The following PNPLA5 variants were observed in gnomAD, a reference collection of about 807,000 sequenced individuals.
PNPLA5 encodes patatin-like phospholipase domain-containing protein 5.
In PNPLA5, 44 loss-of-function variants were observed where a neutral mutation model predicts 49.1. That is an observed-to-expected ratio of 0.90 (90% CI 0.70 to 1.15). The LOEUF (loss-of-function observed/expected upper bound fraction) is 1.15. Ranked by LOEUF, PNPLA5 falls within the 50% of genes most tolerant of loss-of-function variation. PNPLA5 has a pLI of 0.00. For missense variants in PNPLA5, 603 were observed against 564.0 expected (o/e 1.07, Z -0.70); for synonymous variants, 243 against 244.4 (o/e 0.99, Z 0.06).
Position 43,889,526 on chromosome 22 carries a change from C to T in PNPLA5, c.505G>A (p.Gly169Arg). 6.2e-7 allele frequency: 1 copy of T among 1,609,994 alleles called. No homozygotes were observed. The highest frequency in any genetic ancestry group is 8.5e-7 in the Non-Finnish European group (1 of 1,177,422). ...AAGGGCAAGTTGTTGCTCAGAGCCC[C>T]ATCGATGTAGCGCTGCAATTTGTGG... ...PEFRGERYIDGALSNNLPFAD... is the reference protein window; with the variant it reads ...PEFRGERYIDRALSNNLPFAD... The change falls in exon 4 of 9, where the codon GGG becomes AGG. Residue 169 changes from glycine (G) to arginine (R), a missense_variant. Physicochemically the swap from Gly to Arg is moderately radical, Grantham distance 125 (BLOSUM62 -2). Coordinates refer to ENST00000216177, the MANE Select transcript of PNPLA5 (RefSeq NM_138814.4).
At chr22:43,881,364 C>T (rs1347289150) in intron 8 of PNPLA5, among the ~76,000 whole-genome samples, 194 bp downstream of exon 8, 2 of 152,182 alleles carry the variant, frequency 1.3e-5, no homozygotes, top group African/African-American at 2.4e-5. Context: ...TGTCATAGAG[C>T]GTCTAGCACA....
rs35343347 is a variant in PNPLA5 at position 43,888,371 on chromosome 22, AGTGTGT to A, written c.703-726_703-721del. Among the ~76,000 whole-genome samples the A allele has an allele frequency of 3.6e-3, 407 of 112,974 alleles. 1 individual carries two copies. Among genetic ancestry groups the A allele is most frequent in the East Asian group, 0.031 (134 of 4,368 alleles). The allele number at this position is 112,974 out of a possible 152,430, so 74.1% of individuals were successfully genotyped here. ...AGCCAGGATGTGGATGGGGCAGAGG[AGTGTGT>A]GTGTGTGTGTGTGTGTGTGTGTGTG... On this transcript the variant is annotated intron_variant, in intron 4 of 8. Coordinates refer to ENST00000216177, the MANE Select transcript of PNPLA5 (RefSeq NM_138814.4).
At chr22:43,881,721 G>C in intron 7 of PNPLA5, 47 bp from the exon 8 acceptor site, 1 of 1,595,268 alleles carries the variant, frequency 6.3e-7, no homozygotes, top group East Asian at 2.3e-5. Context: ...CCTGGGGTGT[G>C]GCCCCACCAA....
chr22:43,889,741 C>T (rs563980914), intron 3 of PNPLA5, 58 bp downstream of exon 3: 60 of 1,579,120 alleles, frequency 3.8e-5, no homozygotes, highest in Non-Finnish European at 5.1e-5. Context: ...AAGCACCTCT[C>T]CACGGTGTGC....
In PNPLA5 at chr22:43,881,566, C is replaced by T. The variant is rs758642916; in HGVS notation, c.1191G>A (p.Gly397=). 4.4e-6 allele frequency: 7 copies of T among 1,592,870 alleles called. No homozygotes were observed. The South Asian group carries it at 6.8e-5, about 16-fold the overall frequency. ...VFSRTKAQLL[G]PISPPATRVL... ...CCCTCTGCCCACCTCACCTGATGGG[C>T]CCAAGGAGCTGGGCCTTGGTCCTGG... Residue 397 remains glycine, a synonymous_variant, in exon 8 of 9, where the codon GGG becomes GGA. Transcript: ENST00000216177.
Position 43,889,310 on chromosome 22 carries a change from A to G in PNPLA5, c.702+19T>C, listed in dbSNP as rs2148330079. On this transcript the variant is annotated intron_variant, in intron 4 of 8. Coordinates refer to ENST00000216177, the MANE Select transcript of PNPLA5 (RefSeq NM_138814.4). Reference sequence around the variant, plus strand: ...TGACCTTGGCCAAGCCTCTAACACCATCACAGGGCCAGACCTACCTCGAGG... The same window carrying G: ...TGACCTTGGCCAAGCCTCTAACACCGTCACAGGGCCAGACCTACCTCGAGG... The G allele has an allele frequency of 6.2e-7, 1 of 1,612,810 alleles. No homozygotes were observed. Among genetic ancestry groups the G allele is most frequent in the Non-Finnish European group, 8.5e-7 (1 of 1,179,866 alleles).
chr22:43,884,547 C>A, intron 6 of PNPLA5: 1 of 314,964 alleles, frequency 3.2e-6, no homozygotes, highest in Non-Finnish European at 4.6e-6. Context: ...TATGCCCTCT[C>A]GTAGATGAGG....
chr22:43,890,842 G>C (rs528346419), intron 2 of PNPLA5, among the ~76,000 whole-genome samples: 3 of 152,322 alleles, frequency 2.0e-5, no homozygotes, highest in Non-Finnish European at 4.4e-5. Flanking sequence ...TGACTCTGCC[G>C]GGCCCCAGCC....
Position 43,880,779 on chromosome 22 carries a change from G to A in PNPLA5, c.*16C>T, listed in dbSNP as rs1377037714. 5.3e-6 allele frequency: 7 copies of A among 1,321,140 alleles called. No homozygotes were observed. Among genetic ancestry groups the A allele is most frequent in the Non-Finnish European group, 6.8e-6 (7 of 1,030,048 alleles). 81.8% of individuals were successfully genotyped at this position (1,321,140 alleles called of 1,614,324 possible). A position where few individuals can be genotyped will look rare whatever the true frequency, so the allele number is the denominator to read the frequency against. ...TCAAGGGACACCAGTCACTGGGCTGGCCCTGCTCGGCCCCCTCAGGCCTGG... is the reference window on the plus strand; with the variant it reads ...TCAAGGGACACCAGTCACTGGGCTGACCCTGCTCGGCCCCCTCAGGCCTGG... On this transcript the variant is annotated 3_prime_UTR_variant, in exon 9 of 9. Transcript: ENST00000216177.
chr22:43,885,129 C>T (rs2049649365), intron 6 of PNPLA5, among the ~76,000 whole-genome samples: 3 of 152,232 alleles, frequency 2.0e-5, no homozygotes, highest in African/African-American at 4.8e-5. Context: ...ATGGCGAGGG[C>T]GCAGCGCCCA....
chr22:43,881,534 A>G, intron 8 of PNPLA5, 24 bp downstream of exon 8: 1 of 1,554,290 alleles, frequency 6.4e-7, no homozygotes, highest in Non-Finnish European at 8.7e-7. Context: ...CCCCCTCTCC[A>G]TCCCTGCCCT....
rs767489195 is a variant in PNPLA5 at position 43,889,275 on chromosome 22, A to G, written c.702+54T>C. ...GTTAGGAGCACACAGAGTCTGACTCACGGGGCCCTTGACCTTGGCCAAGCC... is the reference window on the plus strand; with the variant it reads ...GTTAGGAGCACACAGAGTCTGACTCGCGGGGCCCTTGACCTTGGCCAAGCC... On this transcript the variant is annotated intron_variant, in intron 4 of 8. Coordinates refer to ENST00000216177, the MANE Select transcript of PNPLA5 (RefSeq NM_138814.4). The G allele has an allele frequency of 5.6e-6, 9 of 1,593,998 alleles. No individual in the cohort carries two copies. In the South Asian group the frequency reaches 7.8e-5, roughly 14 times the overall value.
intron 6 of PNPLA5, among the ~76,000 whole-genome samples, 183 bp downstream of exon 6, chr22:43,886,120 T>C (rs1418245371): frequency 2.0e-5 from 3 of 152,168 alleles, no homozygotes; most frequent in Admixed American, 6.5e-5. Flanking sequence ...CCCAGGGTTG[T>C]GGGGAAGAAT....
At chr22:43,887,013 G>C (rs1039153908) in intron 5 of PNPLA5, among the ~76,000 whole-genome samples, 3 of 151,876 alleles carry the variant, frequency 2.0e-5, no homozygotes, top group Admixed American at 1.3e-4. Flanking sequence ...GCTCTGTCCT[G>C]TGGATGATGT....
At chr22:43,886,660 G>T (rs1292927356) in intron 5 of PNPLA5, 172 bp from the exon 6 acceptor site, 2 of 961,416 alleles carry the variant, frequency 2.1e-6, no homozygotes, top group Non-Finnish European at 1.2e-6. Context: ...GCCCTGCTCT[G>T]CCCTGCTCCC....
intron 7 of PNPLA5, among the ~76,000 whole-genome samples, chr22:43,883,707 A>T (rs1251143460): frequency 6.6e-6 from 1 of 151,992 alleles, no homozygotes; most frequent in African/African-American, 2.4e-5. Flanking sequence ...GCTACTTAGG[A>T]GGCTGAGGCA....
At chr22:43,886,816 C>G (rs2049670006) in intron 5 of PNPLA5, among the ~76,000 whole-genome samples, 1 of 152,200 alleles carries the variant, frequency 6.6e-6, no homozygotes, top group Non-Finnish European at 1.5e-5. Flanking sequence ...GTAAGACCTG[C>G]TTTATACAGT....
intron 2 of PNPLA5, among the ~76,000 whole-genome samples, chr22:43,890,413 CCTAACA>C (rs1449285210): frequency 6.6e-6 from 1 of 152,200 alleles, no homozygotes; most frequent in African/African-American, 2.4e-5. Flanking sequence ...CTACAGGACA[CCTAACA>C]ATGTCAGAGA....
intron 6 of PNPLA5, 129 bp downstream of exon 6, chr22:43,886,174 T>G: frequency 5.0e-6 from 5 of 1,009,504 alleles, no homozygotes; most frequent in Non-Finnish European, 5.6e-6. Flanking sequence ...ACACTTGGCA[T>G]TTAGTAGGTG....
Sources: gnomAD v4.1 joint callset for allele counts (sites outside exome capture counted in the v4.1 genomes callset) on GRCh38, gnomAD v4.1.1 for gene constraint, MANE v1.5 for transcripts, NCBI Gene and HGNC (gene_info 2026-07-23, HGNC 2026-07-21) for gene names.